ABCC5: variants seen among roughly 807,000 people sequenced by gnomAD.
ABCC5 encodes the protein ATP-binding cassette sub-family C member 5.
ABCC5 carries 61 observed loss-of-function variants against 160.9 expected under a neutral mutation model. That is an observed-to-expected ratio of 0.38 (90% CI 0.31 to 0.47). The LOEUF (loss-of-function observed/expected upper bound fraction) is 0.47, where lower values mean the gene tolerates loss of function less well. Ranked by LOEUF, ABCC5 falls within the 20% of genes least tolerant of loss-of-function variation. The pLI is 0.99. For synonymous variants in ABCC5, 666 were observed against 700.6 expected, an observed-to-expected ratio of 0.95 and a Z score of 0.78; for missense variants, 1,308 against 1,813.3, an observed-to-expected ratio of 0.72 and a Z score of 5.06.
At chr3:183,983,335 G>GT (rs1196962522) in intron 5 of ABCC5, 16 of 337,848 alleles carry the variant, frequency 4.7e-5, no homozygotes, top group Non-Finnish European at 7.2e-5. Flanking sequence ...CCTTATTCCA[G>GT]TATCTCCACA....
chr3:183,937,773 G>C, intron 26 of ABCC5, 128 bp downstream of exon 26: 1 of 1,035,778 alleles, frequency 9.7e-7, no homozygotes, highest in Non-Finnish European at 1.4e-6. Flanking sequence ...ACATGGTGCA[G>C]TGGGAAAAGC....
chr3:183,947,570 A>G, intron 22 of ABCC5, 60 bp from the exon 23 acceptor site: 1 of 1,369,824 alleles, frequency 7.3e-7, no homozygotes, highest in Non-Finnish European at 9.8e-7. Context: ...GCGCATGGAC[A>G]AAGCTTCAGC....
At chr3:183,962,624 T>C (rs931614035) in intron 15 of ABCC5, among the ~76,000 whole-genome samples, 1 of 151,396 alleles carries the variant, frequency 6.6e-6, no homozygotes, top group African/African-American at 2.4e-5. Flanking sequence ...CTCCACCTCC[T>C]GGGTTCAAGG....
intron 26 of ABCC5, among the ~76,000 whole-genome samples, chr3:183,935,462 G>A (rs937670926): frequency 1.3e-5 from 2 of 151,660 alleles, no homozygotes; most frequent in African/African-American, 4.8e-5. Context: ...TTACAGGTGT[G>A]AGCCACCGCA....
At chr3:183,939,502 A>T (rs1056716434) in intron 25 of ABCC5, among the ~76,000 whole-genome samples, 14 of 152,164 alleles carry the variant, frequency 9.2e-5, no homozygotes, top group Non-Finnish European at 7.3e-5. Context: ...TCAAGATAAA[A>T]TTTTAGTGGT....
At chr3:183,926,171 G>C (rs1195100654) in intron 28 of ABCC5, among the ~76,000 whole-genome samples, 3 of 138,726 alleles carry the variant, frequency 2.2e-5, no homozygotes, top group African/African-American at 8.2e-5. Context: ...AAGAAAGCAC[G>C]CATATATGTA....
intron 22 of ABCC5, 41 bp from the exon 23 acceptor site, chr3:183,947,551 C>T (rs764506306): frequency 3.3e-6 from 5 of 1,496,038 alleles, no homozygotes; most frequent in South Asian, 1.3e-5. Context: ...GAAAGTACTA[C>T]ACAACCCCGC....
intron 15 of ABCC5, among the ~76,000 whole-genome samples, chr3:183,962,532 C>CTT (rs372339240): frequency 7.5e-5 from 10 of 132,982 alleles, no homozygotes; most frequent in African/African-American, 1.1e-4. Context: ...CAGTTTTTTT[C>CTT]TTTTTTTTTT....
chr3:183,967,828 C>G (rs1717368124), intron 11 of ABCC5, 62 bp from the exon 12 acceptor site: 2 of 1,369,098 alleles, frequency 1.5e-6, no homozygotes, highest in African/African-American at 2.9e-5. Flanking sequence ...TCGCTAAGGA[C>G]TTGAGGAAAA....
intron 11 of ABCC5, among the ~76,000 whole-genome samples, chr3:183,967,976 T>C (rs1238631721): frequency 2.0e-5 from 3 of 152,188 alleles, no homozygotes; most frequent in Non-Finnish European, 2.9e-5. Context: ...TGGAAGCCCT[T>C]TGGGGAAAGT....
chr3:183,940,972 C>T (rs1289960731), intron 25 of ABCC5, among the ~76,000 whole-genome samples: 4 of 152,138 alleles, frequency 2.6e-5, no homozygotes, highest in African/African-American at 9.7e-5. Flanking sequence ...GATTCTCCTG[C>T]TTCAGCCTCC....
intron 17 of ABCC5, among the ~76,000 whole-genome samples, chr3:183,955,324 C>A (rs976639875): frequency 6.6e-6 from 1 of 152,158 alleles, no homozygotes; most frequent in Non-Finnish European, 1.5e-5. Flanking sequence ...CTTACAGCTA[C>A]AAAGAGACTG....
At chr3:183,928,723 G>A in intron 27 of ABCC5, 24 bp downstream of exon 27, 1 of 1,608,262 alleles carries the variant, frequency 6.2e-7, no homozygotes, top group Non-Finnish European at 8.5e-7. Context: ...TCTCAGCACG[G>A]CTTCCCCTAA....
rs866668275 is a variant in ABCC5 at position 183,955,882 on chromosome 3, T to C, written c.2483-2612A>G. ...CAGATCCGTGTGTATATTACATCTGTTATATGCAGATCCATGTGTATATCA... is the reference window on the plus strand; with the variant it reads ...CAGATCCGTGTGTATATTACATCTGCTATATGCAGATCCATGTGTATATCA... On this transcript the variant is annotated intron_variant, in intron 17 of 29. Transcript: ENST00000334444. 3.3e-4 allele frequency among the ~76,000 whole-genome samples: 47 copies of C among 142,782 alleles called. 7 individuals carry two copies. Among genetic ancestry groups the C allele is most frequent in the Middle Eastern group, 3.5e-3 (1 of 282 alleles). 93.7% of individuals were successfully genotyped at this position (142,782 alleles called of 152,430 possible).
At chr3:183,929,483 C>T (rs1274663004) in intron 26 of ABCC5, among the ~76,000 whole-genome samples, 1 of 152,152 alleles carries the variant, frequency 6.6e-6, no homozygotes, top group Non-Finnish European at 1.5e-5. Flanking sequence ...TACGTACAAA[C>T]TTAGAAATGC....
Position 183,982,321 on chromosome 3 carries a change from T to C in ABCC5, c.999+130A>G. ...CTATAGAGCAAGCACTATCGAGCTC[T>C]AGATTGAACCTGCTTTGAGGAAATT... is the stretch of plus-strand genomic sequence containing the variant. On this transcript the variant is annotated intron_variant, in intron 7 of 29. Transcript: ENST00000334444. This position sits in a 1 kb window ranked among gnomAD's most constrained non-coding sequence, Gnocchi z 5.2. The C allele has an allele frequency of 1.9e-6, 2 of 1,050,764 alleles. No homozygotes were observed. The highest frequency in any genetic ancestry group is 3.1e-4 in the Middle Eastern group (1 of 3,214). The allele number at this position is 1,050,764 out of a possible 1,614,324, so 65.1% of individuals were successfully genotyped here.
chr3:183,963,519 T>C lies in ABCC5; in HGVS notation c.2101A>G (p.Ser701Gly), dbSNP rs757469919. 1.9e-6 allele frequency: 3 copies of C among 1,614,230 alleles called. No individual in the cohort carries two copies. The highest frequency in any genetic ancestry group is 1.7e-6 in the Non-Finnish European group (2 of 1,180,054). ...QRISLARALY[S>G]DRSIYILDDP... ...TCCAGGATGTAGATGCTCCTGTCAC[T>C]ATACAAGGCCCGGGCAAGGCTGATC... The change falls in exon 15 of 30, where the codon AGT becomes GGT. Residue 701 changes from serine to glycine, a missense_variant. Ser to Gly is a moderately conservative substitution (Grantham distance 56, BLOSUM62 0). Coordinates refer to ENST00000334444, the MANE Select transcript of ABCC5 (RefSeq NM_005688.4). This position sits in a 1 kb window ranked among gnomAD's most constrained non-coding sequence, Gnocchi z 4.6.
At position 183,963,675 on chromosome 3, in the gene ABCC5, AC is replaced by A; in HGVS notation, c.2032-88del. The A allele has an allele frequency of 1.6e-6, 2 of 1,279,366 alleles. No homozygotes were observed. The highest frequency in any genetic ancestry group is 2.2e-6 in the Non-Finnish European group (2 of 914,430). 79.3% of individuals were successfully genotyped at this position (1,279,366 alleles called of 1,614,324 possible). On this transcript the variant is annotated intron_variant, in intron 14 of 29. Transcript: ENST00000334444. This position sits in a 1 kb window ranked among gnomAD's most constrained non-coding sequence, Gnocchi z 4.6. ...CACCCAGTCACTTCTCTTCTTGCCC[AC>A]CCAGACCAGCTCCTTCTGTCAATTC...
intron 29 of ABCC5, among the ~76,000 whole-genome samples, 184 bp downstream of exon 29, chr3:183,925,371 T>C (rs1712432469): frequency 6.6e-6 from 1 of 152,194 alleles, no homozygotes; most frequent in Admixed American, 6.5e-5. Flanking sequence ...GAGAACCCCA[T>C]CAGAGGTGCC....
Sources: gnomAD v4.1 joint callset for allele counts (sites outside exome capture counted in the v4.1 genomes callset) on GRCh38, gnomAD v4.1.1 for gene constraint, Gnocchi (gnomAD v3.1) non-coding constraint, MANE v1.5 for transcripts, NCBI Gene and HGNC (gene_info 2026-07-23, HGNC 2026-07-21) for gene names.